CCSER1: variants seen among roughly 807,000 people sequenced by gnomAD.
The protein encoded by CCSER1 is coiled-coil serine rich protein 1, also known as serine-rich coiled-coil domain-containing protein 1.
Under a neutral mutation model 82.0 loss-of-function variants are expected in CCSER1, and 41 were observed. That is an observed-to-expected ratio of 0.50 (90% CI 0.39 to 0.65). CCSER1 has a LOEUF of 0.65. Among genes scored for constraint, CCSER1 ranks in the 30% least tolerant of loss-of-function variants. CCSER1 has a pLI of 0.00. For synonymous variants in CCSER1, 414 were observed against 383.9 expected (o/e 1.08, Z -0.92); for missense variants, 1,119 against 1,064.2 (o/e 1.05, Z -0.72).
intron 8 of CCSER1, among the ~76,000 whole-genome samples, chr4:90,855,173 G>A (rs1172289924): frequency 6.6e-6 from 1 of 151,962 alleles, no homozygotes; most frequent in African/African-American, 2.4e-5. Context: ...ATTTGGCTGG[G>A]GACACAGAGA....
intron 3 of CCSER1, among the ~76,000 whole-genome samples, chr4:90,337,981 G>A (rs1162582030): frequency 1.3e-5 from 2 of 152,248 alleles, no homozygotes; most frequent in East Asian, 1.9e-4. Flanking sequence ...TGTTCGAAAA[G>A]GGTAGTTCCT....
At chr4:91,572,258 G>C (rs1452074399) in intron 10 of CCSER1, among the ~76,000 whole-genome samples, 2 of 152,138 alleles carry the variant, frequency 1.3e-5, no homozygotes, top group Non-Finnish European at 2.9e-5. Flanking sequence ...ACCAGAGAAG[G>C]CTGTGAAACA....
intron 4 of CCSER1, among the ~76,000 whole-genome samples, chr4:90,443,462 G>T (rs946126648): frequency 3.9e-5 from 6 of 152,080 alleles, no homozygotes; most frequent in Admixed American, 1.3e-4. Flanking sequence ...ATCCTGGGTG[G>T]GACAGAGCAG....
chr4:90,425,673 G>A (rs563705532), intron 4 of CCSER1, among the ~76,000 whole-genome samples: 2 of 152,266 alleles, frequency 1.3e-5, no homozygotes, highest in African/African-American at 4.8e-5. Flanking sequence ...TGTCCACAAG[G>A]TGTGCTGACC....
chr4:91,402,220 C>G, intron 10 of CCSER1, among the ~76,000 whole-genome samples: 1 of 152,126 alleles, frequency 6.6e-6, no homozygotes, highest in Admixed American at 6.6e-5. Context: ...TGTTCATATC[C>G]TTTGCCCAGT....
At chr4:91,254,096 A>G (rs1307938003) in intron 10 of CCSER1, among the ~76,000 whole-genome samples, 1 of 152,168 alleles carries the variant, frequency 6.6e-6, no homozygotes, top group Non-Finnish European at 1.5e-5. Flanking sequence ...AAACAAAAAC[A>G]CAGAATTTAA....
intron 10 of CCSER1, among the ~76,000 whole-genome samples, chr4:91,321,747 G>A (rs1444204145): frequency 2.6e-5 from 4 of 151,932 alleles, no homozygotes; most frequent in South Asian, 2.1e-4. Flanking sequence ...GAACCTTTGA[G>A]CATGCATGCC....
intron 10 of CCSER1, among the ~76,000 whole-genome samples, chr4:91,465,298 T>G (rs748766816): frequency 2.2e-4 from 33 of 152,180 alleles, no homozygotes; most frequent in Non-Finnish European, 1.2e-4. Flanking sequence ...AGATGTTCTT[T>G]GAAATCAATG....
rs1230320282 is a variant in CCSER1 at position 91,190,988 on chromosome 4, C to A, written c.2217+104994C>A. Reference sequence around the variant, plus strand: ...TGTTATCAGGATTAAATGAGTTAATCAGAATAATGTCTGAAACATAATGGA... The same window carrying A: ...TGTTATCAGGATTAAATGAGTTAATAAGAATAATGTCTGAAACATAATGGA... On this transcript the variant is annotated intron_variant, in intron 10 of 10. Coordinates refer to ENST00000509176, the MANE Select transcript of CCSER1 (RefSeq NM_001145065.2). 4.6e-5 allele frequency among the ~76,000 whole-genome samples: 7 copies of A among 152,236 alleles called. No homozygotes were observed. The South Asian group carries it at 1.5e-3, about 32-fold the overall frequency.
At chr4:90,411,401 C>G (rs372679300) in intron 4 of CCSER1, among the ~76,000 whole-genome samples, 1 of 152,176 alleles carries the variant, frequency 6.6e-6, no homozygotes, top group South Asian at 2.1e-4. Flanking sequence ...CTGAATCCAG[C>G]AACACATCAA....
chr4:91,148,967 C>T (rs534064888), intron 10 of CCSER1, among the ~76,000 whole-genome samples: 2 of 152,102 alleles, frequency 1.3e-5, no homozygotes, highest in South Asian at 4.2e-4. Flanking sequence ...GTCTTTATAG[C>T]AGCATGATTT....
At chr4:90,979,803 C>A (rs145465691) in intron 9 of CCSER1, among the ~76,000 whole-genome samples, 1 of 151,546 alleles carries the variant, frequency 6.6e-6, no homozygotes, top group Non-Finnish European at 1.5e-5. Context: ...GCTGTGTAGA[C>A]GGAGATGAAA....
chr4:91,194,832 G>A (rs984630608), intron 10 of CCSER1, among the ~76,000 whole-genome samples: 5 of 152,150 alleles, frequency 3.3e-5, no homozygotes, highest in Non-Finnish European at 7.4e-5. Context: ...ACTGTAAAAA[G>A]CATAGCTTAC....
chr4:90,691,414 C>A (rs1560950514), intron 6 of CCSER1, among the ~76,000 whole-genome samples: 1 of 151,874 alleles, frequency 6.6e-6, no homozygotes, highest in Admixed American at 6.6e-5. Context: ...TAATCCCATA[C>A]ATATGTGTAT....
intron 4 of CCSER1, among the ~76,000 whole-genome samples, chr4:90,432,756 A>G (rs543840300): frequency 2.6e-5 from 4 of 152,130 alleles, no homozygotes; most frequent in East Asian, 3.9e-4. Flanking sequence ...TGCTGGGCTT[A>G]AATAATAAGA....
intron 6 of CCSER1, among the ~76,000 whole-genome samples, chr4:90,665,742 A>G (rs1731651895): frequency 6.6e-6 from 1 of 152,198 alleles, no homozygotes; most frequent in Non-Finnish European, 1.5e-5. Context: ...CTGCTGTAAC[A>G]AATTACCACA....
intron 1 of CCSER1, among the ~76,000 whole-genome samples, chr4:90,244,535 ACT>A (rs1721077543): frequency 6.6e-6 from 1 of 152,170 alleles, no homozygotes; most frequent in African/African-American, 2.4e-5. Context: ...GGTTTAATTG[ACT>A]CACAGCTCCA....
chr4:90,356,312 A>G (rs949371973), intron 3 of CCSER1, among the ~76,000 whole-genome samples: 8 of 151,812 alleles, frequency 5.3e-5, no homozygotes, highest in Admixed American at 1.3e-4. Context: ...ATTGGTTATG[A>G]ATTGGATGAA....
At chr4:91,569,397 G>T (rs1210384137) in intron 10 of CCSER1, among the ~76,000 whole-genome samples, 2 of 152,152 alleles carry the variant, frequency 1.3e-5, no homozygotes, top group Non-Finnish European at 2.9e-5. Flanking sequence ...GGTTGGAGCT[G>T]AGGATTGTTT....
Sources: allele counts gnomAD v4.1 joint callset (sites outside exome capture counted in the v4.1 genomes callset), GRCh38; gene constraint gnomAD v4.1.1; transcripts MANE v1.5; gene names NCBI Gene and HGNC (gene_info 2026-07-23, HGNC 2026-07-21).